Variants in YJU2B observed in about 807,000 individuals in gnomAD.
YJU2B encodes YJU2 splicing factor homolog B.
YJU2B carries 18 observed loss-of-function variants against 38.0 expected under a neutral mutation model. The ratio of observed to expected loss-of-function variants is 0.47; its 90% CI spans 0.33 to 0.70. The LOEUF is 0.70. Among genes scored for constraint, YJU2B ranks in the 30% least tolerant of loss-of-function variants. The pLI is 0.02. For synonymous variants in YJU2B, 246 were observed against 225.4 expected, an observed-to-expected ratio of 1.09 and a Z score of -0.82; for missense variants, 538 against 556.3, an observed-to-expected ratio of 0.97 and a Z score of 0.33.
At chr19:13,737,515 G>A (rs1056615660) in intron 2 of YJU2B, among the ~76,000 whole-genome samples, 4 of 150,384 alleles carry the variant, frequency 2.7e-5, no homozygotes, top group Admixed American at 6.7e-5. Flanking sequence ...GGCTGGGCGC[G>A]GTGGCTCACA....
chr19:13,756,516 T>C (rs960059129), intron 4 of YJU2B, among the ~76,000 whole-genome samples: 6 of 152,202 alleles, frequency 3.9e-5, no homozygotes, highest in Non-Finnish European at 7.3e-5. Context: ...TGGGCTGGGC[T>C]AGGCTGGCCT....
chr19:13,733,464 G>A (rs759767658), intron 2 of YJU2B, among the ~76,000 whole-genome samples: 6 of 151,370 alleles, frequency 4.0e-5, no homozygotes, highest in African/African-American at 9.7e-5. Context: ...GCTGACGCCT[G>A]TAATCCCAGC....
In YJU2B at chr19:13,736,589, C is replaced by G. The variant is rs1198166909; in HGVS notation, c.-202+4304C>G. On this transcript the variant is annotated intron_variant, in intron 2 of 10. Transcript: ENST00000586600. ...TTTATTTTGTACTTACCCAAATACT[C>G]TAAGTACTTACCCAAAGACTCCCTC... Among the ~76,000 whole-genome samples, 3 of 152,152 alleles carry G rather than the reference C, an allele frequency of 2.0e-5. No homozygotes were observed. The East Asian group carries it at 5.8e-4, about 29-fold the overall frequency.
intron 3 of YJU2B, 114 bp from the exon 4 acceptor site, chr19:13,756,083 A>T (rs1268715912): frequency 1.3e-6 from 1 of 798,998 alleles, no homozygotes; most frequent in African/African-American, 1.7e-5. Context: ...AGGACATAAG[A>T]ATCAAGGCCT....
chr19:13,757,476 G>A lies in YJU2B; in HGVS notation c.196+3G>A. The A allele has an allele frequency of 1.2e-6, 2 of 1,612,830 alleles. No homozygotes were observed. The highest frequency in any genetic ancestry group is 1.7e-6 in the Non-Finnish European group (2 of 1,179,132). On this transcript the variant is annotated splice_donor_region_variant and intron_variant, in intron 5 of 9. Transcript: ENST00000221554. ...CTGCAAGAACCACATCGGCATGGGT[G>A]AGCCTCTGCCCACCCTCCATTCAGT... is the stretch of plus-strand genomic sequence containing the variant.
intron 2 of YJU2B, among the ~76,000 whole-genome samples, chr19:13,752,648 G>A (rs1973513692): frequency 6.6e-6 from 1 of 152,140 alleles, no homozygotes; most frequent in Non-Finnish European, 1.5e-5. Context: ...GGAGGGTGAG[G>A]CAGGAGAATC....
chr19:13,760,582 TC>T (rs1222965664), intron 8 of YJU2B, among the ~76,000 whole-genome samples: 1 of 151,770 alleles, frequency 6.6e-6, no homozygotes, highest in Non-Finnish European at 1.5e-5. Flanking sequence ...CCTGGTTGCC[TC>T]CTTTTATTTA....
At chr19:13,758,569 A>AT (rs1568295372) in intron 6 of YJU2B, among the ~76,000 whole-genome samples, 1 of 135,338 alleles carries the variant, frequency 7.4e-6, no homozygotes, top group Non-Finnish European at 1.5e-5. Flanking sequence ...CAAATGCACT[A>AT]ATGAATGAAC....
At chr19:13,762,118 C>T (rs1380761342) in intron 8 of YJU2B, among the ~76,000 whole-genome samples, 181 bp from the exon 9 acceptor site, 1 of 152,070 alleles carries the variant, frequency 6.6e-6, no homozygotes, top group Non-Finnish European at 1.5e-5. Flanking sequence ...TCGCTTGAGC[C>T]CAGGAGTTCG....
At chr19:13,756,753 T>C (rs1005710842) in intron 4 of YJU2B, among the ~76,000 whole-genome samples, 1 of 152,106 alleles carries the variant, frequency 6.6e-6, no homozygotes, top group Non-Finnish European at 1.5e-5. Flanking sequence ...GGCAGGTGGA[T>C]CACTTGAGAC....
At chr19:13,749,758 G>T (rs1455797857) in intron 1 of YJU2B, among the ~76,000 whole-genome samples, 2 of 150,482 alleles carry the variant, frequency 1.3e-5, no homozygotes, top group Non-Finnish European at 3.0e-5. Context: ...TCAGCCTCCC[G>T]AGTAGCTGGG....
rs191215872 is a variant in YJU2B at position 13,738,057 on chromosome 19, C to G, written c.-202+5772C>G. Among the ~76,000 whole-genome samples the G allele has an allele frequency of 3.9e-5, 6 of 152,240 alleles. No homozygotes were observed. The East Asian group carries it at 1.2e-3, about 29-fold the overall frequency. On this transcript the variant is annotated intron_variant, in intron 2 of 10. Coordinates refer to the YJU2B transcript ENST00000586600. ...AGTAGCCATTGGGTTCTAGACCAAG[C>G]TGGACACAGTGATTCTTGTGATTCA...
At chr19:13,758,723 C>A in intron 6 of YJU2B, 145 bp from the exon 7 acceptor site, 1 of 893,936 alleles carries the variant, frequency 1.1e-6, no homozygotes. Flanking sequence ...CCCCTTTTTG[C>A]CCGTGGCTCT....
At chr19:13,750,573 AGG>A (rs1347799903) in intron 1 of YJU2B, among the ~76,000 whole-genome samples, 1 of 150,170 alleles carries the variant, frequency 6.7e-6, no homozygotes, top group African/African-American at 2.4e-5. Context: ...GACCTGTGAC[AGG>A]GGGCTGGGTG....
chr19:13,739,740 G>T (rs1347767723), intron 2 of YJU2B, among the ~76,000 whole-genome samples: 1 of 152,112 alleles, frequency 6.6e-6, no homozygotes, highest in African/African-American at 2.4e-5. Flanking sequence ...AAATAAGTTA[G>T]AATTTTTTTT....
At chr19:13,741,149 T>TTC (rs1443848966) in intron 2 of YJU2B, among the ~76,000 whole-genome samples, 2 of 140,194 alleles carry the variant, frequency 1.4e-5, no homozygotes, top group African/African-American at 5.4e-5. Context: ...TTTTATAGAT[T>TTC]TCTTTTTTTT....
chr19:13,733,258 A>T (rs1390072874), intron 2 of YJU2B, among the ~76,000 whole-genome samples: 1 of 151,898 alleles, frequency 6.6e-6, no homozygotes, highest in Non-Finnish European at 1.5e-5. Context: ...CCCACCTGGC[A>T]TCTCCATCTT....
chr19:13,754,251 A>C, intron 2 of YJU2B, 38 bp from the exon 3 acceptor site: 1 of 1,561,712 alleles, frequency 6.4e-7, no homozygotes, highest in South Asian at 1.1e-5. Flanking sequence ...AAACCATATC[A>C]GCCTCTCTCT....
At chr19:13,753,001 A>T (rs1018097398) in intron 2 of YJU2B, among the ~76,000 whole-genome samples, 6 of 152,200 alleles carry the variant, frequency 3.9e-5, no homozygotes, top group African/African-American at 1.4e-4. Flanking sequence ...CTACATGTGT[A>T]TCTGCCCAGT....
Sources: gnomAD v4.1 joint callset for allele counts (sites outside exome capture counted in the v4.1 genomes callset) on GRCh38, gnomAD v4.1.1 for gene constraint, MANE v1.5 for transcripts, NCBI Gene and HGNC (gene_info 2026-07-23, HGNC 2026-07-21) for gene names.